EGFR: variants seen among roughly 807,000 people sequenced by gnomAD.
EGFR encodes epidermal growth factor receptor, also known as avian erythroblastic leukemia viral (v-erb-b) oncogene homolog.
EGFR carries 58 observed loss-of-function variants against 143.0 expected under a neutral mutation model. That is an observed-to-expected ratio of 0.41 (90% CI 0.33 to 0.50). EGFR has a LOEUF of 0.50. Ranked by LOEUF, EGFR falls within the 20% of genes least tolerant of loss-of-function variation. The pLI is 0.39. For missense variants in EGFR, 1,307 were observed against 1,579.0 expected (o/e 0.83, Z 2.92); for synonymous variants, 613 against 594.4 (o/e 1.03, Z -0.45).
At chr7:55,169,748 G>A (rs185876954) in intron 15 of EGFR, among the ~76,000 whole-genome samples, 283 of 152,222 alleles carry the variant, frequency 1.9e-3, no homozygotes, top group African/African-American at 5.6e-3. Context: ...CTGCAGCCCC[G>A]TCCTGCCACT....
chr7:55,202,900 A>G (rs1286211739), intron 27 of EGFR: 1 of 646,904 alleles, frequency 1.5e-6, no homozygotes, highest in Non-Finnish European at 2.8e-6. Flanking sequence ...GGACATACAC[A>G]TCTGTGTGTG....
intron 1 of EGFR, among the ~76,000 whole-genome samples, chr7:55,086,172 A>G (rs1443492451): frequency 3.9e-5 from 6 of 152,208 alleles, no homozygotes; most frequent in Non-Finnish European, 8.8e-5. Context: ...TGCCGAGGAA[A>G]GGGAAGCTCA....
chr7:55,143,888 T>C (rs1201304973), intron 3 of EGFR, among the ~76,000 whole-genome samples: 2 of 152,130 alleles, frequency 1.3e-5, no homozygotes, highest in Non-Finnish European at 1.5e-5. Flanking sequence ...TCAACCCACA[T>C]TGAGGACAGT....
At chr7:55,105,278 G>C (rs1049173291) in intron 1 of EGFR, among the ~76,000 whole-genome samples, 3 of 152,252 alleles carry the variant, frequency 2.0e-5, no homozygotes, top group Admixed American at 6.5e-5. Context: ...TTGTGGCTGA[G>C]AAGAGTGGGG....
chr7:55,189,624 G>A (rs964830514), intron 20 of EGFR, among the ~76,000 whole-genome samples: 1 of 152,216 alleles, frequency 6.6e-6, no homozygotes, highest in African/African-American at 2.4e-5. Context: ...TAGAGAGGGA[G>A]AAAGGGAGAG....
chr7:55,053,548 A>T (rs1384499931), intron 1 of EGFR, among the ~76,000 whole-genome samples: 1 of 152,238 alleles, frequency 6.6e-6, no homozygotes, highest in Non-Finnish European at 1.5e-5. Flanking sequence ...CTACTCCCAG[A>T]GTTCCTCCAA....
At chr7:55,201,959 G>A (rs577988240) in intron 26 of EGFR, among the ~76,000 whole-genome samples, 177 bp downstream of exon 26, 1 of 140,900 alleles carries the variant, frequency 7.1e-6, no homozygotes, top group Non-Finnish European at 1.5e-5. Context: ...CGTGACTCCT[G>A]GACCAGTAGT....
intron 1 of EGFR, among the ~76,000 whole-genome samples, chr7:55,081,314 A>T (rs541940161): frequency 2.0e-5 from 3 of 152,168 alleles, no homozygotes; most frequent in African/African-American, 7.2e-5. Flanking sequence ...GAGATACTCT[A>T]TTCTGTGGAC....
chr7:55,181,231 C>T (rs2128958062), intron 19 of EGFR, 62 bp from the exon 20 acceptor site: 1 of 1,581,640 alleles, frequency 6.3e-7, no homozygotes, highest in Non-Finnish European at 8.7e-7. Context: ...GGAAGGGGTC[C>T]ATGTGCCCCT....
At chr7:55,205,232 C>T (rs2128975031) in intron 27 of EGFR, 24 bp from the exon 28 acceptor site, 1 of 1,613,652 alleles carries the variant, frequency 6.2e-7, no homozygotes, top group African/African-American at 1.3e-5. Context: ...GATTACTTCA[C>T]CTCTGATTTC....
rs2128969976 is a variant in EGFR, at chr7:55,200,398, C to A, written c.2931C>A (p.Arg977=). 1 of 1,614,178 alleles carries A rather than the reference C, an allele frequency of 6.2e-7. No homozygotes were observed. The highest frequency in any genetic ancestry group is 8.5e-7 in the Non-Finnish European group (1 of 1,180,034). Residue 977 remains arginine (R), a synonymous_variant, in exon 24 of 28, where the codon CGC becomes CGA. Transcript: ENST00000275493. The part of the protein sequence containing the change: ...EFSKMARDPQ[R]YLVIQGDERM... ...CCAAAATGGCCCGAGACCCCCAGCG[C>A]TACCTTGTCATTCAGGTACAAATTG...
intron 1 of EGFR, among the ~76,000 whole-genome samples, chr7:55,027,991 A>ATTATATAT (rs1554311535): frequency 1.8e-5 from 1 of 54,990 alleles, no homozygotes; most frequent in Admixed American, 2.8e-4. Context: ...AAAAAAAAAA[A>ATTATATAT]ATATATATAT....
intron 1 of EGFR, among the ~76,000 whole-genome samples, chr7:55,077,348 C>A (rs1790186273): frequency 6.6e-6 from 1 of 152,170 alleles, no homozygotes; most frequent in Non-Finnish European, 1.5e-5. Context: ...CATCTTAAGG[C>A]TGTGAAATTA....
At position 55,171,159 on chromosome 7, in the gene EGFR, C is replaced by T. The variant is rs1416132670; in HGVS notation, c.1881-16C>T. 1 of 1,614,154 alleles carries T rather than the reference C, an allele frequency of 6.2e-7. No homozygotes were observed. The highest frequency in any genetic ancestry group is 1.7e-5 in the Admixed American group (1 of 60,026). ...TAGAATGAGAAAAATGTATATTTCTCTTTCACTTCCTACAGATGCACTGGG... is the reference window on the plus strand; with the variant it reads ...TAGAATGAGAAAAATGTATATTTCTTTTTCACTTCCTACAGATGCACTGGG... On this transcript the variant is annotated splice_polypyrimidine_tract_variant and intron_variant, in intron 15 of 27. Coordinates refer to ENST00000275493, the MANE Select transcript of EGFR (RefSeq NM_005228.5).
At chr7:55,032,156 G>A (rs184712658) in intron 1 of EGFR, among the ~76,000 whole-genome samples, 107 of 152,272 alleles carry the variant, frequency 7.0e-4, no homozygotes, top group Middle Eastern at 3.4e-3. Context: ...TTCACAAGAT[G>A]TTCTGCCAAG....
chr7:55,124,605 G>C (rs1031499379), intron 1 of EGFR, among the ~76,000 whole-genome samples: 1 of 152,112 alleles, frequency 6.6e-6, no homozygotes, highest in Admixed American at 6.5e-5. Context: ...TGGATCCCTC[G>C]GGGGCAATTC....
intron 1 of EGFR, among the ~76,000 whole-genome samples, chr7:55,125,605 T>G (rs997066403): frequency 9.9e-5 from 15 of 152,188 alleles, no homozygotes; most frequent in African/African-American, 3.6e-4. Context: ...AACTGTCTGT[T>G]TTGAGAAAAT....
chr7:55,062,879 G>T (rs937357058), intron 1 of EGFR, among the ~76,000 whole-genome samples: 1 of 152,004 alleles, frequency 6.6e-6, no homozygotes, highest in Admixed American at 6.6e-5. Flanking sequence ...TTACCATGTG[G>T]TGGATGCCCG....
At chr7:55,079,516 A>G (rs1162239474) in intron 1 of EGFR, among the ~76,000 whole-genome samples, 1 of 152,198 alleles carries the variant, frequency 6.6e-6, no homozygotes, top group Non-Finnish European at 1.5e-5. Flanking sequence ...GTGATGGTTG[A>G]GACAGGCACG....
Sources: gnomAD v4.1 joint callset for allele counts (sites outside exome capture counted in the v4.1 genomes callset) on GRCh38, gnomAD v4.1.1 for gene constraint, MANE v1.5 for transcripts, NCBI Gene and HGNC (gene_info 2026-07-23, HGNC 2026-07-21) for gene names.